The following SH3BP5 variants were observed in gnomAD, a reference collection of about 807,000 sequenced individuals.
SH3BP5 encodes the protein SH3 domain-binding protein 5.
Under a neutral mutation model 43.3 loss-of-function variants are expected in SH3BP5, and 22 were observed. That is an observed-to-expected ratio of 0.51 (90% CI 0.36 to 0.73). The LOEUF (loss-of-function observed/expected upper bound fraction) is 0.73, where lower values mean the gene tolerates loss of function less well. SH3BP5 is among the 30% of genes least tolerant of loss of function. SH3BP5 has a pLI of 0.00. For missense variants in SH3BP5, 529 were observed against 586.9 expected (o/e 0.90, Z 1.02); for synonymous variants, 255 against 225.8 (o/e 1.13, Z -1.16).
chr3:15,295,938 A>G (rs1440436033), intron 3 of SH3BP5, among the ~76,000 whole-genome samples: 1 of 151,432 alleles, frequency 6.6e-6, no homozygotes. Flanking sequence ...TTATCAAGAA[A>G]TATTGCATAT....
intron 3 of SH3BP5, among the ~76,000 whole-genome samples, chr3:15,280,960 G>C (rs1475399048): frequency 6.6e-6 from 1 of 152,254 alleles, no homozygotes; most frequent in African/African-American, 2.4e-5. Context: ...CATTGTGAGG[G>C]AGTGGAGAGC....
intron 2 of SH3BP5, among the ~76,000 whole-genome samples, chr3:15,308,032 T>TA (rs200856179): frequency 0.054 from 8,260 of 152,084 alleles, 262 homozygotes; most frequent in African/African-American, 0.1. Context: ...ACTTTTCATT[T>TA]AAAGAAAAAA....
At chr3:15,273,199 T>A in intron 3 of SH3BP5, 1 of 985,378 alleles carries the variant, frequency 1.0e-6, no homozygotes. Context: ...TTTTAGGAAT[T>A]TTTTAGTATT....
intron 3 of SH3BP5, among the ~76,000 whole-genome samples, chr3:15,285,081 GAATTT>G (rs1697228794): frequency 1.3e-5 from 2 of 152,180 alleles, no homozygotes; most frequent in Non-Finnish European, 1.5e-5. Context: ...CTGTGTTACT[GAATTT>G]AATTCCCATA....
intron 3 of SH3BP5, among the ~76,000 whole-genome samples, chr3:15,277,611 T>G (rs1359187876): frequency 6.6e-6 from 1 of 152,028 alleles, no homozygotes; most frequent in Non-Finnish European, 1.5e-5. Context: ...TCACCTGCTC[T>G]GAGGAACAAC....
chr3:15,332,901 C>T (rs150347404), upstream of SH3BP5, among the ~76,000 whole-genome samples: 42 of 152,356 alleles, frequency 2.8e-4, no homozygotes, highest in Admixed American at 4.6e-4. Flanking sequence ...AAGTCGCCTT[C>T]TGAAGCCTAC....
intron 3 of SH3BP5, among the ~76,000 whole-genome samples, chr3:15,286,095 G>A (rs1188874087): frequency 6.6e-6 from 1 of 152,264 alleles, no homozygotes; most frequent in East Asian, 1.9e-4. Context: ...CGGCATGGCT[G>A]CAGCCGGCGG....
intron 3 of SH3BP5, among the ~76,000 whole-genome samples, chr3:15,281,026 C>A (rs1000290638): frequency 6.5e-4 from 99 of 152,290 alleles, no homozygotes; most frequent in African/African-American, 2.3e-3. Context: ...CGGGAAAGTC[C>A]ATGTGTTCTG....
At chr3:15,282,530 A>G (rs1278782166) in intron 3 of SH3BP5, among the ~76,000 whole-genome samples, 1 of 152,054 alleles carries the variant, frequency 6.6e-6, no homozygotes, top group Non-Finnish European at 1.5e-5. Flanking sequence ...TGGCTTAAGC[A>G]ATAGCATAAT....
chr3:15,315,937 A>T (rs1414385771), intron 2 of SH3BP5, among the ~76,000 whole-genome samples: 1 of 152,236 alleles, frequency 6.6e-6, no homozygotes, highest in African/African-American at 2.4e-5. Flanking sequence ...CCATCCACTT[A>T]TATAACCAGA....
chr3:15,315,846 T>C (rs114279852), intron 2 of SH3BP5, among the ~76,000 whole-genome samples: 3,092 of 152,260 alleles, frequency 0.02, 101 homozygotes, highest in African/African-American at 0.069. Flanking sequence ...AATTTCAAAC[T>C]TGGAAAAAAT....
intron 3 of SH3BP5, among the ~76,000 whole-genome samples, chr3:15,291,859 C>T (rs1302018520): frequency 1.3e-5 from 2 of 152,118 alleles, no homozygotes; most frequent in Non-Finnish European, 2.9e-5. Flanking sequence ...ATAATTTCAT[C>T]AGATTCTTCA....
At position 15,258,658 on chromosome 3, in the gene SH3BP5, G is replaced by C. The variant is rs539460390; in HGVS notation, c.889+173C>G. 8.2e-4 allele frequency: 494 copies of C among 604,440 alleles called. 3 individuals carry two copies. Among genetic ancestry groups the C allele is most frequent in the African/African-American group, 6.7e-3 (361 of 54,012 alleles). The allele number at this position is 604,440 out of a possible 1,614,324, so 37.4% of individuals were successfully genotyped here. A position where few individuals can be genotyped will look rare whatever the true frequency, so the allele number is the denominator to read the frequency against. ...GAATCCTGACTTTGAGGAACACTTA[G>C]TACCTTCTTAATGAACACAGTGTTC... On this transcript the variant is annotated intron_variant, in intron 7 of 8. Coordinates refer to ENST00000383791, the MANE Select transcript of SH3BP5 (RefSeq NM_004844.5).
At chr3:15,271,001 AAAAG>A (rs1696782283) in intron 3 of SH3BP5, among the ~76,000 whole-genome samples, 1 of 151,880 alleles carries the variant, frequency 6.6e-6, no homozygotes, top group Non-Finnish European at 1.5e-5. Flanking sequence ...GTACAAAAAA[AAAAG>A]AATGTTAAAT....
intron 3 of SH3BP5, among the ~76,000 whole-genome samples, chr3:15,273,680 T>G (rs1696880569): frequency 6.6e-6 from 1 of 152,212 alleles, no homozygotes; most frequent in South Asian, 2.1e-4. Flanking sequence ...CCACTGTCTA[T>G]TCTCTCTATT....
rs113175932 is a variant in SH3BP5 at position 15,288,341 on chromosome 3, T to G, written c.330+15762A>C. On this transcript the variant is annotated intron_variant, in intron 3 of 8. Coordinates refer to ENST00000383791, the MANE Select transcript of SH3BP5 (RefSeq NM_004844.5). Reference sequence around the variant, plus strand: ...AGCCCAGTCAAGCTGACACATAAAATTAACCATCACATGTACTAAAGTTTT... The same window carrying G: ...AGCCCAGTCAAGCTGACACATAAAAGTAACCATCACATGTACTAAAGTTTT... Among the ~76,000 whole-genome samples the G allele has an allele frequency of 1.2e-4, 18 of 152,338 alleles. 2 individuals are homozygous for G. Among genetic ancestry groups the G allele is most frequent in the African/African-American group, 4.3e-4 (18 of 41,584 alleles).
chr3:15,266,053 C>T (rs1303783611), intron 4 of SH3BP5, among the ~76,000 whole-genome samples: 2 of 152,200 alleles, frequency 1.3e-5, no homozygotes, highest in East Asian at 3.8e-4. Flanking sequence ...CTCGACTCTC[C>T]AATCTCCAGG....
chr3:15,304,314 C>T (rs1697836495), intron 2 of SH3BP5, 83 bp from the exon 3 acceptor site: 1 of 1,604,554 alleles, frequency 6.2e-7, no homozygotes, highest in East Asian at 2.2e-5. Context: ...ACAGAAACAT[C>T]AACAAAGGAC....
At chr3:15,259,381 G>T in intron 6 of SH3BP5, 1 of 514,482 alleles carries the variant, frequency 1.9e-6, no homozygotes, top group Non-Finnish European at 3.5e-6. Flanking sequence ...GGTTCTCAAA[G>T]TTGAGCTTGC....
Sources: allele counts gnomAD v4.1 joint callset (sites outside exome capture counted in the v4.1 genomes callset), GRCh38; gene constraint gnomAD v4.1.1; transcripts MANE v1.5; gene names NCBI Gene and HGNC (gene_info 2026-07-23, HGNC 2026-07-21).